Variants in USP37 observed in about 807,000 individuals in gnomAD.
USP37 encodes ubiquitin carboxyl-terminal hydrolase 37.
A neutral mutation model predicts 124.0 loss-of-function variants in USP37; 27 were observed. The ratio of observed to expected loss-of-function variants is 0.22; its 90% CI spans 0.16 to 0.30. The LOEUF (loss-of-function observed/expected upper bound fraction) is 0.30, where lower values mean the gene tolerates loss of function less well. Among genes scored for constraint, USP37 ranks in the 10% least tolerant of loss-of-function variants. USP37 has a pLI of 1.00. For synonymous variants in USP37, 365 were observed against 388.0 expected (o/e 0.94, Z 0.70); for missense variants, 889 against 1,140.4 (o/e 0.78, Z 3.17).
chr2:218,563,726 G>A (rs1693434228), intron 1 of USP37, among the ~76,000 whole-genome samples: 1 of 152,150 alleles, frequency 6.6e-6, no homozygotes, highest in African/African-American at 2.4e-5. Context: ...TAGGCATATA[G>A]ATGTGAAGAT....
At chr2:218,552,918 A>AAAACAAAC (rs140347553) in intron 5 of USP37, among the ~76,000 whole-genome samples, 5,108 of 151,488 alleles carry the variant, frequency 0.034, 103 homozygotes, top group East Asian at 0.11. Flanking sequence ...ACTCCATTTC[A>AAAACAAAC]AAACAAACAA....
chr2:218,530,603 TGAAAA>T (rs1469060808), intron 9 of USP37, among the ~76,000 whole-genome samples: 1 of 152,136 alleles, frequency 6.6e-6, no homozygotes, highest in East Asian at 1.9e-4. Flanking sequence ...TGTTTTTAAG[TGAAAA>T]GAAGAGATGC....
At chr2:218,519,507 G>A (rs1292683895) in intron 10 of USP37, among the ~76,000 whole-genome samples, 1 of 152,114 alleles carries the variant, frequency 6.6e-6, no homozygotes, top group African/African-American at 2.4e-5. Context: ...ACTCATGAGT[G>A]TGTCAAAAGC....
At chr2:218,478,155 C>T (rs1181793477) in intron 18 of USP37, among the ~76,000 whole-genome samples, 1 of 152,076 alleles carries the variant, frequency 6.6e-6, no homozygotes, top group Admixed American at 6.6e-5. Context: ...AGGAAGATTA[C>T]ATAGCAATGT....
At chr2:218,505,876 T>C (rs1375849307) in intron 11 of USP37, among the ~76,000 whole-genome samples, 1 of 152,088 alleles carries the variant, frequency 6.6e-6, no homozygotes. Flanking sequence ...TGTTGTTTTT[T>C]TTTTGAGACA....
intron 8 of USP37, 120 bp from the exon 9 acceptor site, chr2:218,534,826 A>T: frequency 1.9e-6 from 1 of 513,754 alleles, no homozygotes; most frequent in Non-Finnish European, 3.1e-6. Context: ...TATGCTTGAA[A>T]ATTAAGCTAC....
intron 10 of USP37, chr2:218,528,843 A>G (rs11898773): frequency 0.017 from 5,107 of 307,838 alleles, 366 homozygotes; most frequent in African/African-American, 0.14. Context: ...AAAAAAAAAG[A>G]GCTTATCTAT....
chr2:218,468,023 G>T (rs1403174843), intron 20 of USP37, among the ~76,000 whole-genome samples: 1 of 150,572 alleles, frequency 6.6e-6, no homozygotes, highest in Non-Finnish European at 1.5e-5. Context: ...GAGTAGCTGG[G>T]ATTACAGGTG....
rs754283819 is a variant in USP37 at position 218,476,837 on chromosome 2, T to C, written c.2043+3A>G. 305 of 1,591,766 alleles carry C rather than the reference T, an allele frequency of 1.9e-4. No homozygotes were observed. Among genetic ancestry groups the C allele is most frequent in the Non-Finnish European group, 2.5e-4 (292 of 1,173,818 alleles). On this transcript the variant is annotated splice_donor_region_variant and intron_variant, in intron 19 of 25. Transcript: ENST00000258399. The stretch of plus-strand genomic sequence containing the variant: ...TCAGATGTTTTAAGAAAATATTACT[T>C]ACTTTTTCCAGGTCTTCCTGCTGCT...
At chr2:218,502,717 C>T (rs1689452188) in intron 11 of USP37, among the ~76,000 whole-genome samples, 1 of 152,092 alleles carries the variant, frequency 6.6e-6, no homozygotes, top group Admixed American at 6.6e-5. Flanking sequence ...AAATCACTTA[C>T]AAGGGCAGAA....
chr2:218,541,737 T>A (rs1255336938), intron 8 of USP37, among the ~76,000 whole-genome samples: 1 of 152,010 alleles, frequency 6.6e-6, no homozygotes, highest in East Asian at 1.9e-4. Context: ...ATATGAAGAA[T>A]CCATGACAAA....
chr2:218,498,363 C>T (rs553691897), intron 11 of USP37: 169 of 374,426 alleles, frequency 4.5e-4, no homozygotes, highest in Non-Finnish European at 6.6e-4. Flanking sequence ...ATGTCCATTT[C>T]TAACAAGTTA....
At chr2:218,470,074 C>T (rs1396224241) in intron 20 of USP37, among the ~76,000 whole-genome samples, 4 of 152,090 alleles carry the variant, frequency 2.6e-5, no homozygotes, top group African/African-American at 9.7e-5. Flanking sequence ...CCCACCTCAG[C>T]CTCCCAAAGT....
intron 9 of USP37, among the ~76,000 whole-genome samples, chr2:218,531,534 T>C (rs768533604): frequency 5.9e-5 from 9 of 152,330 alleles, no homozygotes; most frequent in Non-Finnish European, 1.2e-4. Context: ...TCAACATCCA[T>C]TCTACAGCCC....
intron 22 of USP37, among the ~76,000 whole-genome samples, chr2:218,462,464 T>C (rs992645635): frequency 6.6e-6 from 1 of 152,194 alleles, no homozygotes; most frequent in Admixed American, 6.5e-5. Context: ...TTCTTCCAGC[T>C]TCCTAACTCA....
At chr2:218,543,699 C>T (rs1170126851) in intron 8 of USP37, among the ~76,000 whole-genome samples, 1 of 150,844 alleles carries the variant, frequency 6.6e-6, no homozygotes, top group Non-Finnish European at 1.5e-5. Context: ...GCCTGTAGTC[C>T]CAGCTACTTG....
intron 8 of USP37, among the ~76,000 whole-genome samples, chr2:218,538,783 A>T (rs1691802818): frequency 6.6e-6 from 1 of 152,132 alleles, no homozygotes; most frequent in Non-Finnish European, 1.5e-5. Flanking sequence ...ATTAATCCTT[A>T]TTGGGACTGA....
At chr2:218,538,113 C>A (rs558550249) in intron 8 of USP37, among the ~76,000 whole-genome samples, 2 of 152,168 alleles carry the variant, frequency 1.3e-5, no homozygotes, top group African/African-American at 2.4e-5. Flanking sequence ...CAAGCTGAAA[C>A]GAGGAATAAA....
intron 8 of USP37, among the ~76,000 whole-genome samples, chr2:218,537,641 T>A (rs1559215950): frequency 6.6e-6 from 1 of 152,312 alleles, no homozygotes; most frequent in South Asian, 2.1e-4. Context: ...ACAGATAAGA[T>A]GTAGGTGATA....
Sources: allele counts gnomAD v4.1 joint callset (sites outside exome capture counted in the v4.1 genomes callset), GRCh38; gene constraint gnomAD v4.1.1; transcripts MANE v1.5; gene names NCBI Gene and HGNC (gene_info 2026-07-23, HGNC 2026-07-21).